Variants in BTN3A1 observed in about 807,000 individuals in gnomAD.
BTN3A1 encodes the protein butyrophilin subfamily 3 member A1.
A neutral mutation model predicts 43.0 loss-of-function variants in BTN3A1; 24 were observed. The observed-to-expected ratio is 0.56, with a 90% CI of 0.40 to 0.78. The LOEUF (loss-of-function observed/expected upper bound fraction) is 0.78, where lower values mean the gene tolerates loss of function less well. BTN3A1 is among the 30% of genes least tolerant of loss of function. The pLI is 0.00. For missense variants in BTN3A1, 533 were observed against 626.2 expected, an observed-to-expected ratio of 0.85 and a Z score of 1.59; for synonymous variants, 181 against 234.7, an observed-to-expected ratio of 0.77 and a Z score of 2.09.
Position 26,411,566 on chromosome 6 carries a change from G to A in BTN3A1, c.1003G>A (p.Ala335Thr). The A allele has an allele frequency of 3.7e-6, 6 of 1,613,600 alleles. No homozygotes were observed. The highest frequency in any genetic ancestry group is 1.7e-5 in the Admixed American group (1 of 59,918). The change falls in exon 9 of 10, where the codon GCC (alanine) becomes ACC (threonine). Residue 335 changes from alanine (A) to threonine (T), a missense_variant. Ala to Thr is a moderately conservative substitution (Grantham distance 58, BLOSUM62 0). This residue lies in a region of BTN3A1 where 415 missense variants were observed against 427.0 expected (regional missense o/e 0.97). Transcript: ENST00000289361. ...CTCCTTCCTTTCAGAATGGAAAAAG[G>A]CCCTCTTCAAGCCTGGTGAGTAAAT... ...RHSAYNEWKK[A>T]LFKPADVILD...
chr6:26,404,389 T>C (rs564594499), intron 1 of BTN3A1: 31 of 152,372 alleles, frequency 2.0e-4, no homozygotes, highest in African/African-American at 6.7e-4. Context: ...ACCTCTGATC[T>C]TCAGATTAGC....
At chr6:26,404,725 TG>T (rs1184236573) in intron 1 of BTN3A1, among the ~76,000 whole-genome samples, 3 of 152,238 alleles carry the variant, frequency 2.0e-5, no homozygotes, top group East Asian at 3.8e-4. Context: ...GCAAGTACTT[TG>T]CTCGACTTGA....
chr6:26,413,792 C>T lies in BTN3A1; in HGVS notation c.*100C>T. 1.3e-6 allele frequency: 2 copies of T among 1,599,412 alleles called. No homozygotes were observed. Among genetic ancestry groups the T allele is most frequent in the Non-Finnish European group, 8.5e-7 (1 of 1,178,746 alleles). Reference sequence around the variant, plus strand: ...GCTAACGAAAGTGGGGAGCCTCAGGCTGAAGTAACTTTTCTCTGCTTCTCC... The same window carrying T: ...GCTAACGAAAGTGGGGAGCCTCAGGTTGAAGTAACTTTTCTCTGCTTCTCC... On this transcript the variant is annotated 3_prime_UTR_variant, in exon 10 of 10. Coordinates refer to ENST00000289361, the MANE Select transcript of BTN3A1 (RefSeq NM_007048.6).
In BTN3A1 at chr6:26,405,553, A is replaced by G. The variant is rs1253885151; in HGVS notation, c.-11A>G. 1 of 1,613,842 alleles carries G rather than the reference A, an allele frequency of 6.2e-7. No individual in the cohort carries two copies. The highest frequency in any genetic ancestry group is 8.5e-7 in the Non-Finnish European group (1 of 1,179,730). On this transcript the variant is annotated 5_prime_UTR_variant, in exon 2 of 10. It adds an upstream start codon to the 5' untranslated region. Transcript: ENST00000289361. ...CCCCCACCTTCCAGTATCTCCTGATATGCAGCATGAATGAAAATGGCAAGT... is the reference window on the plus strand; with the variant it reads ...CCCCCACCTTCCAGTATCTCCTGATGTGCAGCATGAATGAAAATGGCAAGT...
chr6:26,412,560 G>A, intron 9 of BTN3A1: 1 of 1,548,234 alleles, frequency 6.5e-7, no homozygotes, highest in Non-Finnish European at 8.7e-7. Context: ...GGGCATATAA[G>A]GCACCACATA....
chr6:26,412,648 A>G (rs1762258675), intron 9 of BTN3A1: 5 of 1,550,748 alleles, frequency 3.2e-6, no homozygotes, highest in Non-Finnish European at 4.4e-6. Flanking sequence ...GGCTGAGTAA[A>G]TAACATGATT....
chr6:26,413,535 T>A lies in BTN3A1; in HGVS notation c.1385T>A (p.Val462Asp), dbSNP rs1477864267. Residue 462 changes from valine (V) to aspartate (D), a missense_variant, in exon 10 of 10, where the codon GTC (valine) becomes GAC (aspartate). Physicochemically the swap from Val to Asp is radical, Grantham distance 152. Coordinates refer to ENST00000289361, the MANE Select transcript of BTN3A1 (RefSeq NM_007048.6). ...KLPKPPKKVG[V>D]FLDYETGDIS... ...CCTAAGCCCCCTAAGAAAGTGGGGG[T>A]CTTCCTGGACTATGAGACTGGAGAT... 1 of 1,613,704 alleles carries A rather than the reference T, an allele frequency of 6.2e-7. No individual in the cohort carries two copies. The highest frequency in any genetic ancestry group is 8.5e-7 in the Non-Finnish European group (1 of 1,179,924).
intron 7 of BTN3A1, among the ~76,000 whole-genome samples, chr6:26,410,664 A>G (rs1183892074): frequency 6.6e-6 from 1 of 151,798 alleles, no homozygotes; most frequent in Non-Finnish European, 1.5e-5. Context: ...AGAGTAAGGT[A>G]CGAAATTAGA....
At chr6:26,405,837 C>T (rs1761998564) in intron 2 of BTN3A1, 72 bp from the exon 3 acceptor site, 1 of 1,610,768 alleles carries the variant, frequency 6.2e-7, no homozygotes. Flanking sequence ...CCTTCCCTGT[C>T]TGAGAAGCAC....
intron 5 of BTN3A1, 70 bp downstream of exon 5, chr6:26,409,803 C>T (rs1762147336): frequency 6.2e-7 from 1 of 1,607,872 alleles, no homozygotes; most frequent in Non-Finnish European, 8.5e-7. Context: ...CACGCCCATC[C>T]CCACCGCAGA....
chr6:26,411,493 G>C (rs1762216752), intron 8 of BTN3A1, 62 bp from the exon 9 acceptor site: 2 of 1,552,378 alleles, frequency 1.3e-6, no homozygotes, highest in Non-Finnish European at 8.9e-7. Flanking sequence ...TGAGGGGAGA[G>C]TGCAGTGGGG....
chr6:26,412,385 T>A, intron 9 of BTN3A1: 1 of 810,862 alleles, frequency 1.2e-6, no homozygotes, highest in Non-Finnish European at 2.1e-6. Flanking sequence ...TGTCTCTCCT[T>A]TCTTTCTCCT....
intron 1 of BTN3A1, 144 bp from the exon 2 acceptor site, chr6:26,405,228 A>G (rs759944701): frequency 2.1e-5 from 8 of 375,570 alleles, no homozygotes; most frequent in Non-Finnish European, 3.5e-5. Flanking sequence ...AGTGTCCTGC[A>G]TGAATCAGAG....
Position 26,407,967 on chromosome 6 carries a change from G to C in BTN3A1, c.715+15G>C, listed in dbSNP as rs1581626855. The C allele has an allele frequency of 1.2e-6, 2 of 1,612,306 alleles. No homozygotes were observed. Among genetic ancestry groups the C allele is most frequent in the East Asian group, 4.5e-5 (2 of 44,856 alleles). On this transcript the variant is annotated intron_variant, in intron 4 of 9. Transcript: ENST00000289361. ...TTCCATCGCAGGTCAGTACCTGCTT[G>C]GCCTCAGGTTTTCTGAGCTGGGCTG...
intron 9 of BTN3A1, chr6:26,412,918 T>G: frequency 6.8e-7 from 1 of 1,476,762 alleles, no homozygotes; most frequent in South Asian, 1.4e-5. Flanking sequence ...TGAGGCCGCG[T>G]CAGGGTATTG....
rs780072550 is a variant in BTN3A1, at chr6:26,409,515, C to T, written c.716-18C>T. The stretch of plus-strand genomic sequence containing the variant: ...TGAGTGCACCGGCCCCCATGACCCA[C>T]AGCCGTTGCCTTCACAGACCCCTTC... On this transcript the variant is annotated intron_variant, in intron 4 of 9. Transcript: ENST00000289361. 1.9e-6 allele frequency: 3 copies of T among 1,612,398 alleles called. No individual in the cohort carries two copies. The South Asian group carries it at 3.3e-5, about 18-fold the overall frequency.
At chr6:26,407,991 T>C (rs773463629) in intron 4 of BTN3A1, 39 bp downstream of exon 4, 5 of 1,606,484 alleles carry the variant, frequency 3.1e-6, no homozygotes, top group Admixed American at 1.7e-5. Flanking sequence ...TGAGCTGGGC[T>C]GTGGCAGTTG....
chr6:26,409,380 T>C (rs972020575), intron 4 of BTN3A1, among the ~76,000 whole-genome samples, 153 bp from the exon 5 acceptor site: 10 of 152,192 alleles, frequency 6.6e-5, no homozygotes, highest in African/African-American at 2.4e-4. Flanking sequence ...TTACCCACTG[T>C]CCTCTGAGAT....
Position 26,413,436 on chromosome 6 carries a change from G to T in BTN3A1, c.1286G>T (p.Gly429Val). Residue 429 changes from glycine (G) to valine (V), a missense_variant, in exon 10 of 10, where the codon GGA (glycine) becomes GTA (valine). Transcript: ENST00000289361. ...KGWVKMTPENGFWTMGLTDGN... is the reference protein window; with the variant it reads ...KGWVKMTPENVFWTMGLTDGN... ...TGGGTCAAAATGACACCTGAGAATGGATTCTGGACTATGGGGCTGACTGAT... is the reference window on the plus strand; with the variant it reads ...TGGGTCAAAATGACACCTGAGAATGTATTCTGGACTATGGGGCTGACTGAT... The T allele has an allele frequency of 6.2e-7, 1 of 1,614,130 alleles. No individual in the cohort carries two copies. The highest frequency in any genetic ancestry group is 8.5e-7 in the Non-Finnish European group (1 of 1,180,026).
Sources: allele counts gnomAD v4.1 joint callset (sites outside exome capture counted in the v4.1 genomes callset), GRCh38; gene constraint gnomAD v4.1.1; regional missense constraint gnomAD v4.1.1; transcripts MANE v1.5; gene names NCBI Gene and HGNC (gene_info 2026-07-23, HGNC 2026-07-21).